Variants in MAST4 observed in about 807,000 individuals in gnomAD.
MAST4 encodes microtubule associated serine/threonine kinase family member 4, also known as microtubule-associated serine/threonine-protein kinase 4.
A neutral mutation model predicts 162.7 loss-of-function variants in MAST4; 89 were observed. The observed-to-expected ratio is 0.55, with a 90% confidence interval of 0.46 to 0.65. The LOEUF (loss-of-function observed/expected upper bound fraction) is 0.65, where lower values mean the gene tolerates loss of function less well. Among genes scored for constraint, MAST4 ranks in the 30% least tolerant of loss-of-function variants. The probability of loss-of-function intolerance (pLI) is 0.00; values close to 1 mark genes in which losing one functional copy is unlikely to be tolerated. For synonymous variants in MAST4, 1,479 were observed against 1,361.1 expected (o/e 1.09, Z -1.91); for missense variants, 3,153 against 3,374.0 (o/e 0.93, Z 1.62).
At chr5:66,670,681 G>A (rs1374395916) in intron 1 of MAST4, among the ~76,000 whole-genome samples, 1 of 151,694 alleles carries the variant, frequency 6.6e-6, no homozygotes. Flanking sequence ...ATCCCTATAA[G>A]AACAAACACA....
At chr5:66,714,677 A>G (rs370998512) in intron 1 of MAST4, among the ~76,000 whole-genome samples, 1 of 152,220 alleles carries the variant, frequency 6.6e-6, no homozygotes, top group African/African-American at 2.4e-5. Flanking sequence ...ACTTTCTTCC[A>G]TAGCTTTTTC....
chr5:67,104,359 T>C lies in MAST4; in HGVS notation c.1147-7T>C. 6.2e-7 allele frequency: 1 copy of C among 1,605,834 alleles called. No individual in the cohort carries two copies. The highest frequency in any genetic ancestry group is 8.5e-7 in the Non-Finnish European group (1 of 1,172,482). ...TACATCTGTGTATGTGTGTCTTCTC[T>C]ATATAGGCTACAGCTCAGATGGAAG... On this transcript the variant is annotated splice_polypyrimidine_tract_variant and splice_region_variant and intron_variant, in intron 9 of 28. Transcript: ENST00000403625.
chr5:66,648,185 C>A (rs1300702663), intron 1 of MAST4, among the ~76,000 whole-genome samples: 1 of 151,784 alleles, frequency 6.6e-6, no homozygotes, highest in African/African-American at 2.4e-5. Flanking sequence ...AATCACAATT[C>A]TGAAGCTGCT....
At chr5:67,146,177 GGGGCTT>G (rs139025115) in intron 23 of MAST4, among the ~76,000 whole-genome samples, 7,681 of 152,294 alleles carry the variant, frequency 0.05, 235 homozygotes, top group Admixed American at 0.072. Flanking sequence ...GGCAGCCAAG[GGGGCTT>G]GGGCCTTTGA....
chr5:67,142,363 A>T, intron 20 of MAST4, 58 bp from the exon 21 acceptor site: 1 of 1,511,138 alleles, frequency 6.6e-7, no homozygotes, highest in Non-Finnish European at 9.0e-7. Context: ...TCATAATTAA[A>T]ATATCTAAAT....
intron 4 of MAST4, among the ~76,000 whole-genome samples, chr5:66,929,722 G>A (rs1327579467): frequency 6.6e-6 from 1 of 152,136 alleles, no homozygotes; most frequent in Non-Finnish European, 1.5e-5. Context: ...CAGCTGGTTG[G>A]GCACCTTTTT....
Position 66,671,295 on chromosome 5 carries a change from T to A in MAST4, c.363+74277T>A, listed in dbSNP as rs4499783. 3.3e-5 allele frequency among the ~76,000 whole-genome samples: 5 copies of A among 151,948 alleles called. No homozygotes were observed. In the East Asian group the frequency reaches 5.8e-4, roughly 18 times the overall value. On this transcript the variant is annotated intron_variant, in intron 1 of 28. Coordinates refer to ENST00000403625, the MANE Select transcript of MAST4 (RefSeq NM_001164664.2). ...TGGAGACCTCGTCTTCCCATTCTTTTGTTCTTTGGGGCATGTCTTTTATCC... is the reference window on the plus strand; with the variant it reads ...TGGAGACCTCGTCTTCCCATTCTTTAGTTCTTTGGGGCATGTCTTTTATCC...
intron 1 of MAST4, among the ~76,000 whole-genome samples, chr5:66,633,081 T>C (rs1190341931): frequency 6.6e-6 from 1 of 152,208 alleles, no homozygotes; most frequent in Non-Finnish European, 1.5e-5. Context: ...GCACCACCTT[T>C]CTTCTGTGGC....
intron 3 of MAST4, among the ~76,000 whole-genome samples, chr5:66,790,154 T>C (rs1043004764): frequency 9.2e-5 from 14 of 152,126 alleles, no homozygotes; most frequent in Admixed American, 4.6e-4. Context: ...GCAAATGATA[T>C]ATAAATCAAT....
At chr5:66,625,669 G>A (rs560058889) in intron 1 of MAST4, among the ~76,000 whole-genome samples, 4 of 152,258 alleles carry the variant, frequency 2.6e-5, no homozygotes, top group African/African-American at 9.6e-5. Context: ...ATGGAGAAAT[G>A]GGAATCCTAG....
chr5:66,628,023 T>C (rs371207191), intron 1 of MAST4, among the ~76,000 whole-genome samples: 6 of 152,046 alleles, frequency 3.9e-5, no homozygotes, highest in East Asian at 1.9e-4. Flanking sequence ...GATTTTTAAG[T>C]GTTTGTTGTT....
chr5:66,917,571 C>T (rs986024263), intron 4 of MAST4, among the ~76,000 whole-genome samples: 10 of 146,696 alleles, frequency 6.8e-5, no homozygotes, highest in Admixed American at 2.1e-4. Flanking sequence ...ATTTTGTACA[C>T]GAGATGAGGT....
intron 4 of MAST4, among the ~76,000 whole-genome samples, chr5:66,969,063 T>G (rs972538670): frequency 6.6e-6 from 1 of 152,182 alleles, no homozygotes; most frequent in Non-Finnish European, 1.5e-5. Flanking sequence ...AAATAAATTA[T>G]TTAGTTGTCA....
intron 5 of MAST4, among the ~76,000 whole-genome samples, chr5:67,064,984 A>G (rs893134439): frequency 4.6e-5 from 7 of 152,208 alleles, no homozygotes; most frequent in Non-Finnish European, 8.8e-5. Context: ...TGTATTCGAC[A>G]TTTTCAGATT....
At chr5:66,854,309 G>A (rs1759521161) in intron 3 of MAST4, among the ~76,000 whole-genome samples, 1 of 152,168 alleles carries the variant, frequency 6.6e-6, no homozygotes, top group Non-Finnish European at 1.5e-5. Context: ...CATGATTAGT[G>A]TGTATACTGG....
intron 1 of MAST4, among the ~76,000 whole-genome samples, chr5:66,718,174 CT>C (rs200133080): frequency 2.2e-5 from 3 of 134,390 alleles, no homozygotes; most frequent in African/African-American, 2.8e-5. Context: ...GTTTTTTTTT[CT>C]TTTTTTTTTC....
intron 1 of MAST4, among the ~76,000 whole-genome samples, chr5:66,635,995 G>C (rs866808022): frequency 1.9e-5 from 2 of 105,966 alleles, no homozygotes; most frequent in African/African-American, 7.5e-5. Flanking sequence ...GTCTTGCTCT[G>C]TCACCAGGCT....
chr5:67,071,891 T>G (rs922957097), intron 5 of MAST4, among the ~76,000 whole-genome samples: 1 of 152,160 alleles, frequency 6.6e-6, no homozygotes, highest in African/African-American at 2.4e-5. Flanking sequence ...AAATGTAGTA[T>G]AAATGATAAT....
chr5:67,166,320 C>A lies in MAST4; in HGVS notation c.7141C>A (p.Pro2381Thr). The change falls in exon 29 of 29, where the codon CCA becomes ACA. Residue 2381 changes from proline to threonine, a missense_variant. Around this residue, in one of 7 missense-constraint regions of MAST4, gnomAD observed 1,644 missense variants for 1,495.0 expected, o/e 1.10. Transcript: ENST00000403625. The stretch of plus-strand genomic sequence containing the variant: ...GAAATGCACTGAAGCACTTTATGCT[C>A]CAGCAGAGGGCGACAAGCTCGAGGC... Reference protein sequence around the residue: ...GKKCTEALYAPAEGDKLEAGL... With the variant: ...GKKCTEALYATAEGDKLEAGL... 6.3e-7 allele frequency: 1 copy of A among 1,588,460 alleles called. No homozygotes were observed. The highest frequency in any genetic ancestry group is 8.6e-7 in the Non-Finnish European group (1 of 1,166,870).
Sources: allele counts gnomAD v4.1 joint callset (sites outside exome capture counted in the v4.1 genomes callset), GRCh38; gene constraint gnomAD v4.1.1; regional missense constraint gnomAD v4.1.1; transcripts MANE v1.5; gene names NCBI Gene and HGNC (gene_info 2026-07-23, HGNC 2026-07-21).